ADAM2: variants seen among roughly 807,000 people sequenced by gnomAD.
The protein encoded by ADAM2 is ADAM metallopeptidase domain 2.
Under a neutral mutation model 99.3 loss-of-function variants are expected in ADAM2, and 101 were observed. The observed-to-expected ratio is 1.02, with a 90% CI of 0.87 to 1.20. The LOEUF is 1.20. Among genes scored for constraint, ADAM2 ranks in the 50% most tolerant of loss-of-function variants. ADAM2 has a pLI of 0.00. For missense variants in ADAM2, 948 were observed against 878.7 expected, an observed-to-expected ratio of 1.08 and a Z score of -1.00; for synonymous variants, 323 against 287.6, an observed-to-expected ratio of 1.12 and a Z score of -1.25.
chr8:39,812,281 C>G (rs1307794590), intron 6 of ADAM2, among the ~76,000 whole-genome samples: 3 of 152,138 alleles, frequency 2.0e-5, no homozygotes, highest in Non-Finnish European at 2.9e-5. Context: ...AAAGAGGACA[C>G]AAACAAATGG....
rs146041290 is a variant in ADAM2 at position 39,785,271 on chromosome 8, C to A, written c.891+1703G>T. ...TCTAGTTTTATTCTTCTGTGTATGG[C>A]TAACCAGCTAATCATTAGAGAAATG... On this transcript the variant is annotated intron_variant, in intron 10 of 20. Coordinates refer to ENST00000265708, the MANE Select transcript of ADAM2 (RefSeq NM_001464.5). Among the ~76,000 whole-genome samples, 766 of 152,246 alleles carry A rather than the reference C, an allele frequency of 5.0e-3. 5 individuals carry two copies. Among genetic ancestry groups the A allele is most frequent in the Non-Finnish European group, 6.0e-3 (405 of 68,014 alleles).
At chr8:39,807,675 A>G (rs1186536718) in intron 7 of ADAM2, among the ~76,000 whole-genome samples, 1 of 152,176 alleles carries the variant, frequency 6.6e-6, no homozygotes, top group African/African-American at 2.4e-5. Context: ...AGCCCTCACC[A>G]GAATGTAACC....
intron 11 of ADAM2, among the ~76,000 whole-genome samples, chr8:39,775,137 A>C (rs1041686051): frequency 1.5e-4 from 23 of 152,146 alleles, no homozygotes; most frequent in Non-Finnish European, 3.2e-4. Context: ...CTGGTGTTTC[A>C]CTAAAGTGGC....
chr8:39,832,151 G>C (rs1453452369), intron 3 of ADAM2, among the ~76,000 whole-genome samples: 1 of 152,164 alleles, frequency 6.6e-6, no homozygotes, highest in Admixed American at 6.5e-5. Flanking sequence ...CTTGTGCAAT[G>C]TCATAAAATT....
At position 39,777,128 on chromosome 8, in the gene ADAM2, C is replaced by A. The variant is rs376672589; in HGVS notation, c.925G>T (p.Val309Phe). Reference sequence around the variant, plus strand: ...AGGCTCAATAATTGAGCTAAAATAACTGCAAGTGATTCCAGACTTATGGTT... The same window carrying A: ...AGGCTCAATAATTGAGCTAAAATAAATGCAAGTGATTCCAGACTTATGGTT... ...PRTISLESLA[V>F]ILAQLLSLSM... The change falls in exon 11 of 21, where the codon GTT becomes TTT. Residue 309 changes from valine to phenylalanine, a missense_variant. Coordinates refer to ENST00000265708, the MANE Select transcript of ADAM2 (RefSeq NM_001464.5). 1.9e-6 allele frequency: 3 copies of A among 1,611,392 alleles called. No homozygotes were observed. Among genetic ancestry groups the A allele is most frequent in the Non-Finnish European group, 2.5e-6 (3 of 1,178,180 alleles).
intron 20 of ADAM2, among the ~76,000 whole-genome samples, chr8:39,744,477 C>G (rs1014167422): frequency 1.3e-5 from 2 of 151,968 alleles, no homozygotes; most frequent in Non-Finnish European, 2.9e-5. Context: ...CACTCATGTC[C>G]TTTGCAGGGA....
In ADAM2 at chr8:39,746,619, A is replaced by G. The variant is rs1355124548; in HGVS notation, c.2027T>C (p.Ile676Thr). The G allele has an allele frequency of 2.5e-6, 4 of 1,582,710 alleles. No individual in the cohort carries two copies. The highest frequency in any genetic ancestry group is 3.4e-6 in the Non-Finnish European group (4 of 1,170,536). Residue 676 changes from isoleucine to threonine, a missense_variant, in exon 19 of 21, where the codon ATT becomes ACT. Ile to Thr is a moderately conservative substitution (Grantham distance 89). Coordinates refer to ENST00000265708, the MANE Select transcript of ADAM2 (RefSeq NM_001464.5). ...TGGTTTGGAATGGTAAATGTTCTCA[A>G]TGTAGCGCCTTTCTAGAAGAAAAAA... ...IPARLPERRY[I>T]ENIYHSKPMR... is the part of the protein sequence containing the mutation.
At chr8:39,829,210 A>T (rs1007038383) in intron 3 of ADAM2, among the ~76,000 whole-genome samples, 1 of 151,932 alleles carries the variant, frequency 6.6e-6, no homozygotes, top group Non-Finnish European at 1.5e-5. Context: ...GCCTTTGAGT[A>T]AGAAAGGATT....
chr8:39,828,126 T>G (rs760677127), intron 3 of ADAM2, among the ~76,000 whole-genome samples: 4 of 151,920 alleles, frequency 2.6e-5, no homozygotes, highest in African/African-American at 9.7e-5. Flanking sequence ...TATATCAAAA[T>G]TAGCTTCAGA....
intron 18 of ADAM2, among the ~76,000 whole-genome samples, chr8:39,748,594 T>A (rs866346297): frequency 1.3e-5 from 2 of 152,172 alleles, no homozygotes; most frequent in Non-Finnish European, 2.9e-5. Flanking sequence ...CTAAGTATTA[T>A]TGGATATGCC....
intron 16 of ADAM2, among the ~76,000 whole-genome samples, chr8:39,751,991 C>T (rs1172006281): frequency 1.3e-5 from 2 of 152,242 alleles, no homozygotes; most frequent in East Asian, 3.9e-4. Flanking sequence ...TGCCACCACG[C>T]CCACTTAATT....
chr8:39,763,892 T>C (rs546057), intron 14 of ADAM2, among the ~76,000 whole-genome samples: 28,278 of 152,134 alleles, frequency 0.19, 2,981 homozygotes, highest in East Asian at 0.29. Flanking sequence ...AAGAGCTCAC[T>C]GGAAATTTTA....
intron 17 of ADAM2, 95 bp downstream of exon 17, chr8:39,749,564 GGTGTGTGT>G: frequency 2.6e-6 from 3 of 1,166,884 alleles, no homozygotes; most frequent in Non-Finnish European, 2.4e-6. Context: ...TATATGTTTT[GGTGTGTGT>G]GTGTGTGTGT....
At chr8:39,814,589 A>G (rs1188738661) in intron 6 of ADAM2, among the ~76,000 whole-genome samples, 3 of 152,156 alleles carry the variant, frequency 2.0e-5, no homozygotes, top group Non-Finnish European at 2.9e-5. Flanking sequence ...ATTCAGATTT[A>G]AAAACGTCAA....
chr8:39,786,012 T>C (rs1803454396), intron 10 of ADAM2, among the ~76,000 whole-genome samples: 1 of 152,162 alleles, frequency 6.6e-6, no homozygotes, highest in South Asian at 2.1e-4. Context: ...TGCAGCAACA[T>C]GGATGCAGCT....
At chr8:39,781,012 CTTT>C (rs988269267) in intron 10 of ADAM2, among the ~76,000 whole-genome samples, 5 of 140,338 alleles carry the variant, frequency 3.6e-5, no homozygotes, top group Admixed American at 7.2e-5. Flanking sequence ...CATACCTTTT[CTTT>C]TTTTTTTTTT....
intron 6 of ADAM2, among the ~76,000 whole-genome samples, chr8:39,815,638 G>A (rs1804912101): frequency 1.3e-5 from 2 of 152,056 alleles, no homozygotes; most frequent in South Asian, 4.2e-4. Flanking sequence ...TTGGTATTTT[G>A]GGAAATGGGG....
rs1018890695 is a variant in ADAM2, at chr8:39,809,530, C to G, written c.514-64G>C. On this transcript the variant is annotated intron_variant, in intron 6 of 20. Coordinates refer to ENST00000265708, the MANE Select transcript of ADAM2 (RefSeq NM_001464.5). The stretch of plus-strand genomic sequence containing the variant: ...TTACTTAAGTATTTTTAGTGCATGT[C>G]ACTACTATTAATGAACTAAATATTG... The G allele has an allele frequency of 4.0e-6, 3 of 744,786 alleles. No homozygotes were observed. In the Admixed American group the frequency reaches 6.9e-5, roughly 17 times the overall value. The allele number at this position is 744,786 out of a possible 1,614,324, so 46.1% of individuals were successfully genotyped here. A position where few individuals can be genotyped will look rare whatever the true frequency, so the allele number is the denominator to read the frequency against.
At chr8:39,771,604 T>C (rs1468761344) in intron 11 of ADAM2, among the ~76,000 whole-genome samples, 3 of 152,128 alleles carry the variant, frequency 2.0e-5, no homozygotes, top group Non-Finnish European at 4.4e-5. Context: ...CAAACTCTAG[T>C]CATTTGGATT....
Sources: allele counts gnomAD v4.1 joint callset (sites outside exome capture counted in the v4.1 genomes callset), GRCh38; gene constraint gnomAD v4.1.1; transcripts MANE v1.5; gene names NCBI Gene and HGNC (gene_info 2026-07-23, HGNC 2026-07-21).